Variants in LHFPL3 observed in about 807,000 individuals in gnomAD.
LHFPL3 encodes LHFPL tetraspan subfamily member 3 protein.
LHFPL3 carries 5 observed loss-of-function variants against 19.3 expected under a neutral mutation model. The observed-to-expected ratio is 0.26, with a 90% confidence interval of 0.14 to 0.54. LHFPL3 has a LOEUF of 0.54. Among genes scored for constraint, LHFPL3 ranks in the 20% least tolerant of loss-of-function variants. LHFPL3 has a pLI of 0.94. For synonymous variants in LHFPL3, 133 were observed against 126.2 expected, an observed-to-expected ratio of 1.05 and a Z score of -0.36; for missense variants, 249 against 307.4, an observed-to-expected ratio of 0.81 and a Z score of 1.42.
intron 1 of LHFPL3, among the ~76,000 whole-genome samples, chr7:104,671,044 A>G (rs9656102): frequency 0.98 from 149,733 of 152,038 alleles, 73,767 homozygotes; most frequent in East Asian, 1. Flanking sequence ...TGGTTTGCAA[A>G]CCCTTCTGCC....
At chr7:104,581,597 T>G (rs1650600358) in intron 1 of LHFPL3, among the ~76,000 whole-genome samples, 1 of 152,042 alleles carries the variant, frequency 6.6e-6, no homozygotes, top group African/African-American at 2.4e-5. Context: ...TGTGAATATG[T>G]TTTCCTATGT....
intron 1 of LHFPL3, among the ~76,000 whole-genome samples, chr7:104,678,160 C>T (rs2116074779): frequency 6.6e-6 from 1 of 152,256 alleles, no homozygotes; most frequent in Non-Finnish European, 1.5e-5. Flanking sequence ...GTAAGATAAA[C>T]TGTGTCAAGT....
intron 1 of LHFPL3, among the ~76,000 whole-genome samples, chr7:104,533,558 C>T (rs902887511): frequency 3.9e-5 from 6 of 152,220 alleles, no homozygotes; most frequent in East Asian, 1.9e-4. Flanking sequence ...CTTCCACTAA[C>T]CTGTACCCCT....
intron 1 of LHFPL3, among the ~76,000 whole-genome samples, chr7:104,468,331 C>T (rs1792834069): frequency 6.6e-6 from 1 of 152,184 alleles, no homozygotes; most frequent in African/African-American, 2.4e-5. Context: ...ATCCTAGCTG[C>T]TAGGGAATCT....
intron 1 of LHFPL3, among the ~76,000 whole-genome samples, chr7:104,463,178 A>G (rs985979606): frequency 1.3e-5 from 2 of 152,130 alleles, no homozygotes; most frequent in Non-Finnish European, 2.9e-5. Flanking sequence ...ATTTTTCAAA[A>G]AACAAACTCT....
intron 2 of LHFPL3, among the ~76,000 whole-genome samples, chr7:104,805,445 G>T (rs926608189): frequency 6.6e-6 from 1 of 152,196 alleles, no homozygotes; most frequent in Non-Finnish European, 1.5e-5. Context: ...TAGTGATGTT[G>T]TCACCTGTTA....
intron 2 of LHFPL3, among the ~76,000 whole-genome samples, chr7:104,844,024 G>A (rs1791266282): frequency 6.6e-6 from 1 of 152,176 alleles, no homozygotes; most frequent in South Asian, 2.1e-4. Context: ...GTCAGCAAAG[G>A]CAGACTCAAG....
At chr7:104,602,020 C>CTTT (rs57501560) in intron 1 of LHFPL3, among the ~76,000 whole-genome samples, 11,572 of 91,244 alleles carry the variant, frequency 0.13, 1,341 homozygotes, top group Non-Finnish European at 0.14. Context: ...TTTTTCTTTT[C>CTTT]TTTTTTTTTT....
In LHFPL3 at chr7:104,668,979, G is replaced by A. The variant is rs1037564008; in HGVS notation, c.446-67696G>A. 1.9e-5 allele frequency: 31 copies of A among 1,612,142 alleles called. No homozygotes were observed. The African/African-American group carries it at 3.6e-4, about 19-fold the overall frequency. ...CAAGCTGGCAAAGTGAAGAAACTCA[G>A]GAACGGGAACGGTCGAGGACAGGAA... On this transcript the variant is annotated intron_variant, in intron 1 of 2. Coordinates refer to ENST00000424859, the MANE Select transcript of LHFPL3 (RefSeq NM_199000.3).
chr7:104,405,377 T>C (rs1791394976), intron 1 of LHFPL3, among the ~76,000 whole-genome samples: 1 of 152,202 alleles, frequency 6.6e-6, no homozygotes, highest in African/African-American at 2.4e-5. Context: ...TCATTGCCTA[T>C]TTCAGTAGTA....
In LHFPL3 at chr7:104,329,173, T is replaced by C; in HGVS notation, c.394T>C (p.Cys132Arg). 1 of 1,614,012 alleles carries C rather than the reference T, an allele frequency of 6.2e-7. No individual in the cohort carries two copies. Among genetic ancestry groups the C allele is most frequent in the Non-Finnish European group, 8.5e-7 (1 of 1,179,864 alleles). Residue 132 changes from cysteine to arginine, a missense_variant, in exon 1 of 3, where the codon TGC becomes CGC. By Grantham distance (180) the Cys-to-Arg change is radical (BLOSUM62 -3). Transcript: ENST00000424859. ...CIICFTLFFF[C>R]NTATVYKICA... is the part of the protein sequence containing the mutation. Reference sequence around the variant, plus strand: ...CATTTGCTTTACCCTCTTCTTCTTCTGCAACACGGCCACTGTGTACAAGAT... The same window carrying C: ...CATTTGCTTTACCCTCTTCTTCTTCCGCAACACGGCCACTGTGTACAAGAT...
At chr7:104,408,583 A>C (rs1332517837) in intron 1 of LHFPL3, among the ~76,000 whole-genome samples, 1 of 152,204 alleles carries the variant, frequency 6.6e-6, no homozygotes, top group Non-Finnish European at 1.5e-5. Context: ...TAAAATCTTA[A>C]AAAGATCTTG....
intron 1 of LHFPL3, among the ~76,000 whole-genome samples, chr7:104,563,528 G>A (rs555808448): frequency 1.5e-4 from 23 of 152,362 alleles, no homozygotes; most frequent in Non-Finnish European, 2.6e-4. Context: ...GCAATGCCTC[G>A]CCCTGCTTCG....
intron 1 of LHFPL3, among the ~76,000 whole-genome samples, chr7:104,450,974 C>T (rs1304524486): frequency 2.0e-5 from 3 of 152,116 alleles, no homozygotes; most frequent in Admixed American, 6.5e-5. Flanking sequence ...GATGTGGCTC[C>T]TACAAACCGT....
chr7:104,595,294 G>A (rs1442615424), intron 1 of LHFPL3, among the ~76,000 whole-genome samples: 1 of 152,152 alleles, frequency 6.6e-6, no homozygotes, highest in Non-Finnish European at 1.5e-5. Context: ...GTAACAATCA[G>A]GTCTCTCAGC....
rs1006337728 is a variant in LHFPL3, at chr7:104,466,588, T to C, written c.445+137364T>C. Among the ~76,000 whole-genome samples, 6 of 152,372 alleles carry C rather than the reference T, an allele frequency of 3.9e-5. No individual in the cohort carries two copies. The South Asian group carries it at 1.0e-3, about 26-fold the overall frequency. On this transcript the variant is annotated intron_variant, in intron 1 of 2. Transcript: ENST00000424859. ...GCTTTTAGTTCATTCCCTATATTGT[T>C]GTCAGGCCTGGTTCAGCCACTCCTC...
chr7:104,336,942 G>A (rs188138388), intron 1 of LHFPL3, among the ~76,000 whole-genome samples: 172 of 152,322 alleles, frequency 1.1e-3, no homozygotes, highest in South Asian at 2.1e-3. Context: ...CACATTCTAT[G>A]CCCTGTTAGA....
intron 1 of LHFPL3, among the ~76,000 whole-genome samples, chr7:104,425,731 T>C (rs1051650896): frequency 1.3e-5 from 2 of 152,212 alleles, no homozygotes; most frequent in Non-Finnish European, 2.9e-5. Context: ...CATTTTCACA[T>C]TTGGGGATGT....
intron 1 of LHFPL3, among the ~76,000 whole-genome samples, chr7:104,340,253 A>C (rs76137749): frequency 6.6e-6 from 1 of 152,132 alleles, no homozygotes; most frequent in African/African-American, 2.4e-5. Flanking sequence ...TGCTAACCAA[A>C]TGTTGCTGTG....
Sources: allele counts gnomAD v4.1 joint callset (sites outside exome capture counted in the v4.1 genomes callset), GRCh38; gene constraint gnomAD v4.1.1; transcripts MANE v1.5; gene names NCBI Gene and HGNC (gene_info 2026-07-23, HGNC 2026-07-21).